Variants in NEDD4 observed in about 807,000 individuals in gnomAD.
NEDD4 encodes E3 ubiquitin-protein ligase NEDD4.
In NEDD4, 99 loss-of-function variants were observed where a neutral mutation model predicts 144.9. That is an observed-to-expected ratio of 0.68 (90% CI 0.58 to 0.81). NEDD4 has a LOEUF of 0.81. Ranked by LOEUF, NEDD4 falls within the 30% of genes least tolerant of loss-of-function variation. The pLI is 0.00. For missense variants in NEDD4, 985 were observed against 1,065.9 expected, an observed-to-expected ratio of 0.92 and a Z score of 1.06; for synonymous variants, 318 against 350.6, an observed-to-expected ratio of 0.91 and a Z score of 1.04.
Position 55,966,532 on chromosome 15 carries a change from A to G in NEDD4, c.60T>C (p.Ile20=), listed in dbSNP as rs1446376583. 2.0e-6 allele frequency: 3 copies of G among 1,519,128 alleles called. No homozygotes were observed. Among genetic ancestry groups the G allele is most frequent in the Non-Finnish European group, 2.6e-6 (3 of 1,133,798 alleles). 94.1% of individuals were successfully genotyped at this position (1,519,128 alleles called of 1,614,324 possible). A position where few individuals can be genotyped will look rare whatever the true frequency, so the allele number is the denominator to read the frequency against. The change falls in exon 2 of 29, where the codon ATT becomes ATC. Residue 20 remains isoleucine (I), a synonymous_variant. Coordinates refer to ENST00000435532, the MANE Select transcript of NEDD4 (RefSeq NM_006154.4). ...GLLEDEENSR[I]VRVRVIAGIG... ...TTCCGGCTATAACTCTTACTCTCAC[A>G]ATTCGTGAATTTTCCTAAAATACAA...
At chr15:55,913,099 C>T (rs2036326621) in intron 5 of NEDD4, among the ~76,000 whole-genome samples, 1 of 152,080 alleles carries the variant, frequency 6.6e-6, no homozygotes, top group Non-Finnish European at 1.5e-5. Context: ...GTTGTAGACT[C>T]TCAGTGCTTT....
intron 18 of NEDD4, among the ~76,000 whole-genome samples, chr15:55,844,521 A>G (rs2033659437): frequency 6.6e-6 from 1 of 152,140 alleles, no homozygotes; most frequent in Non-Finnish European, 1.5e-5. Flanking sequence ...AAGTGCATGC[A>G]TTCTGGAATC....
At chr15:55,933,983 G>T (rs549841580) in intron 4 of NEDD4, among the ~76,000 whole-genome samples, 2 of 152,090 alleles carry the variant, frequency 1.3e-5, no homozygotes, top group African/African-American at 4.8e-5. Flanking sequence ...GTGAAACCTC[G>T]TCTCTACTAA....
At position 55,860,643 on chromosome 15, in the gene NEDD4, C is replaced by T. The variant is rs574338594; in HGVS notation, c.792+18G>A. ...TATAGCATGTGTCTTTCAAGGAGAA[C>T]TAGGAAACTACTTATACCTCGGAAG... On this transcript the variant is annotated intron_variant, in intron 10 of 28. Coordinates refer to ENST00000435532, the MANE Select transcript of NEDD4 (RefSeq NM_006154.4). The T allele has an allele frequency of 1.2e-6, 2 of 1,613,760 alleles. No individual in the cohort carries two copies. Among genetic ancestry groups the T allele is most frequent in the African/African-American group, 2.7e-5 (2 of 75,040 alleles).
intron 18 of NEDD4, among the ~76,000 whole-genome samples, chr15:55,846,515 A>C (rs2033752156): frequency 6.6e-6 from 1 of 152,316 alleles, no homozygotes; most frequent in East Asian, 1.9e-4. Context: ...TCATGATTGT[A>C]TTTTTAAATT....
At position 55,924,658 on chromosome 15, in the gene NEDD4, G is replaced by A. The variant is rs1364709010; in HGVS notation, c.279C>T (p.Asp93=). Residue 93 remains aspartate, a synonymous_variant, in exon 5 of 29, where the codon GAC becomes GAT. Coordinates refer to ENST00000435532, the MANE Select transcript of NEDD4 (RefSeq NM_006154.4). ...CAATATAACTTACCAATCGGTTTTC[G>A]TCAAACACTTCAAAAAGAAGCCGGT... The part of the protein sequence containing the change: ...QQHRLLFEVF[D]ENRLTRDDFL... 26 of 1,609,444 alleles carry A rather than the reference G, an allele frequency of 1.6e-5. No individual in the cohort carries two copies. The highest frequency in any genetic ancestry group is 2.2e-5 in the East Asian group (1 of 44,826).
chr15:55,873,707 T>C (rs982413243), intron 6 of NEDD4, among the ~76,000 whole-genome samples: 1 of 152,132 alleles, frequency 6.6e-6, no homozygotes, highest in Non-Finnish European at 1.5e-5. Context: ...TAATCTTTTT[T>C]ACACAATGTT....
chr15:55,843,094 G>A (rs1270847559), intron 18 of NEDD4, among the ~76,000 whole-genome samples: 1 of 152,214 alleles, frequency 6.6e-6, no homozygotes, highest in Non-Finnish European at 1.5e-5. Flanking sequence ...CTCTTTGCCT[G>A]CTGCCATCCA....
chr15:55,833,013 A>G lies in NEDD4; in HGVS notation c.2522T>C (p.Leu841Pro). The change falls in exon 27 of 29, where the codon CTA becomes CCA. Residue 841 changes from leucine to proline, a missense_variant. Leu to Pro is a moderately conservative substitution (Grantham distance 98). Transcript: ENST00000435532. ...SRVPMNGFAE[L>P]YGSNGPQSFT... is the part of the protein sequence containing the mutation. ...GATCTATGGAAAATCCTTACCGTAT[A>G]GTTCAGCAAATCCATTCATAGGCAC... is the stretch of plus-strand genomic sequence containing the variant. 6.2e-7 allele frequency: 1 copy of G among 1,607,772 alleles called. No homozygotes were observed. Among genetic ancestry groups the G allele is most frequent in the Non-Finnish European group, 8.5e-7 (1 of 1,174,718 alleles).
At chr15:55,977,041 G>A (rs1482561052) in intron 1 of NEDD4, among the ~76,000 whole-genome samples, 1 of 152,208 alleles carries the variant, frequency 6.6e-6, no homozygotes, top group Admixed American at 6.5e-5. Context: ...GCAGTAGCTT[G>A]TATGCCTTTC....
chr15:55,915,295 TAGAC>T (rs1233957884), intron 5 of NEDD4: 8 of 1,584,268 alleles, frequency 5.0e-6, no homozygotes, highest in African/African-American at 1.4e-5. Context: ...TTGCAAGAAT[TAGAC>T]AGTTCATTTG....
rs1156338987 is a variant in NEDD4 at position 55,986,678 on chromosome 15, C to A, written c.45+6833G>T. ...GATCTTGACTCATTGCAAGCTCTGCCTCCCAGGTTCACGCCATTCTCCGGC... is the reference window on the plus strand; with the variant it reads ...GATCTTGACTCATTGCAAGCTCTGCATCCCAGGTTCACGCCATTCTCCGGC... On this transcript the variant is annotated intron_variant, in intron 1 of 28. Transcript: ENST00000435532. 2.0e-5 allele frequency among the ~76,000 whole-genome samples: 3 copies of A among 148,868 alleles called. No homozygotes were observed. The East Asian group carries it at 6.0e-4, about 30-fold the overall frequency.
chr15:55,885,122 T>C (rs1253841297), intron 5 of NEDD4, among the ~76,000 whole-genome samples: 1 of 152,188 alleles, frequency 6.6e-6, no homozygotes, highest in Non-Finnish European at 1.5e-5. Flanking sequence ...GGAAACCTTA[T>C]TACCTTGGAG....
At chr15:55,874,891 T>C (rs1275098591) in intron 5 of NEDD4, among the ~76,000 whole-genome samples, 1 of 151,980 alleles carries the variant, frequency 6.6e-6, no homozygotes, top group Non-Finnish European at 1.5e-5. Context: ...GGAGAGTGGC[T>C]TAAATCCAGG....
rs751583068 is a variant in NEDD4 at position 55,850,560 on chromosome 15, G to T, written c.1329C>A (p.Asn443Lys). ...PNGRPFFIDHNTKTTTWEDPR... is the reference protein window; with the variant it reads ...PNGRPFFIDHKTKTTTWEDPR... The stretch of plus-strand genomic sequence containing the variant: ...AAGTTACCCAGGTGGTGGTTTTAGT[G>T]TTGTGGTCAATAAAGAAAGGCCTCC... The change falls in exon 14 of 29, where the codon AAC (asparagine) becomes AAA (lysine). Residue 443 changes from asparagine (N) to lysine (K), a missense_variant. Physicochemically the swap from Asn to Lys is moderately conservative, Grantham distance 94 (BLOSUM62 0). Transcript: ENST00000435532. The T allele has an allele frequency of 3.7e-6, 6 of 1,614,022 alleles. No individual in the cohort carries two copies. The African/African-American group carries it at 6.7e-5, about 18-fold the overall frequency.
At chr15:55,968,995 T>C (rs1192762320) in intron 1 of NEDD4, among the ~76,000 whole-genome samples, 4 of 152,154 alleles carry the variant, frequency 2.6e-5, no homozygotes, top group African/African-American at 7.2e-5. Flanking sequence ...TCACAGTACC[T>C]AGTTTCAACA....
intron 1 of NEDD4, among the ~76,000 whole-genome samples, chr15:55,972,198 T>C (rs2037622587): frequency 6.6e-6 from 1 of 152,150 alleles, no homozygotes; most frequent in Non-Finnish European, 1.5e-5. Flanking sequence ...AAAATTCACA[T>C]GTAAAAGTAA....
chr15:55,939,791 T>C (rs569226302), intron 4 of NEDD4, among the ~76,000 whole-genome samples: 60 of 152,144 alleles, frequency 3.9e-4, no homozygotes, highest in Non-Finnish European at 7.9e-4. Flanking sequence ...ATAGCCTCTA[T>C]AGAAAACAGT....
rs1364943430 is a variant in NEDD4, at chr15:55,840,702, G to A, written c.1864C>T (p.Pro622Ser). Residue 622 changes from proline (P) to serine (S), a missense_variant, in exon 20 of 29, where the codon CCA becomes TCA. Transcript: ENST00000435532. ...TCTTCGTTACACAATCCAGAGTTTG[G>A]ATTTATCTGTAGGGTATAATTGTCC... ...ATDNYTLQINPNSGLCNEDHL... is the reference protein window; with the variant it reads ...ATDNYTLQINSNSGLCNEDHL... 6.2e-7 allele frequency: 1 copy of A among 1,613,940 alleles called. No individual in the cohort carries two copies. Among genetic ancestry groups the A allele is most frequent in the East Asian group, 2.2e-5 (1 of 44,840 alleles).
Sources: allele counts gnomAD v4.1 joint callset (sites outside exome capture counted in the v4.1 genomes callset), GRCh38; gene constraint gnomAD v4.1.1; transcripts MANE v1.5; gene names NCBI Gene and HGNC (gene_info 2026-07-23, HGNC 2026-07-21).